MBP: variants seen among roughly 807,000 people sequenced by gnomAD.
MBP encodes myelin basic protein, also known as Golli-MBP.
A neutral mutation model predicts 35.8 loss-of-function variants in MBP; 16 were observed. The ratio of observed to expected loss-of-function variants is 0.45; its 90% CI spans 0.30 to 0.68. The LOEUF (loss-of-function observed/expected upper bound fraction) is 0.68. Ranked by LOEUF, MBP falls within the 30% of genes least tolerant of loss-of-function variation. The probability of loss-of-function intolerance (pLI) is 0.08; values close to 1 mark genes in which losing one functional copy is unlikely to be tolerated. For synonymous variants in MBP, 143 were observed against 159.6 expected (o/e 0.90, Z 0.78); for missense variants, 380 against 404.7 (o/e 0.94, Z 0.52).
chr18:77,054,798 A>G (rs1380157226), intron 3 of MBP, among the ~76,000 whole-genome samples: 1 of 151,968 alleles, frequency 6.6e-6, no homozygotes, highest in Non-Finnish European at 1.5e-5. Flanking sequence ...GGGTGACGTC[A>G]CCATGCACAC....
intron 3 of MBP, among the ~76,000 whole-genome samples, chr18:77,018,339 TCTATCCATCCATCCATACACATACCCAC>T (rs1971765774): frequency 6.8e-6 from 1 of 146,008 alleles, no homozygotes; most frequent in Non-Finnish European, 1.5e-5. Flanking sequence ...CATCCATCCA[TCTATCCATCCATCCATACACATACCCAC>T]CTACCCATCC....
At chr18:77,021,152 C>T (rs575367656) in intron 3 of MBP, among the ~76,000 whole-genome samples, 3 of 152,262 alleles carry the variant, frequency 2.0e-5, no homozygotes, top group South Asian at 2.1e-4. Context: ...AGCAGCCTCT[C>T]GGGTGGAAGA....
chr18:77,049,472 T>C (rs1385940357), intron 3 of MBP, among the ~76,000 whole-genome samples: 1 of 152,208 alleles, frequency 6.6e-6, no homozygotes, highest in Non-Finnish European at 1.5e-5. Context: ...CTGAGGTAGC[T>C]GAAATGGGAC....
At chr18:77,129,200 A>T (rs1267817961) in intron 1 of MBP, among the ~76,000 whole-genome samples, 2 of 152,136 alleles carry the variant, frequency 1.3e-5, no homozygotes, top group African/African-American at 4.8e-5. Context: ...TTAGATATCC[A>T]CCTATTTTTC....
At chr18:77,035,429 TTC>T (rs1324014746) in intron 3 of MBP, among the ~76,000 whole-genome samples, 1 of 152,260 alleles carries the variant, frequency 6.6e-6, no homozygotes, top group African/African-American at 2.4e-5. Flanking sequence ...TATCCTGTTT[TTC>T]TCTTTCTCAG....
chr18:76,994,005 T>A (rs1042863506), intron 4 of MBP, among the ~76,000 whole-genome samples: 3 of 152,264 alleles, frequency 2.0e-5, no homozygotes, highest in African/African-American at 7.2e-5. Context: ...TCATGTAATA[T>A]TTTATCGAAT....
At chr18:77,093,971 T>C (rs1975648232) in intron 2 of MBP, among the ~76,000 whole-genome samples, 1 of 136,916 alleles carries the variant, frequency 7.3e-6, no homozygotes, top group South Asian at 2.6e-4. Context: ...TTAAAGGGTC[T>C]TTTTTTCTTC....
intron 3 of MBP, among the ~76,000 whole-genome samples, chr18:77,052,121 C>G (rs1973512845): frequency 6.6e-6 from 1 of 152,140 alleles, no homozygotes; most frequent in African/African-American, 2.4e-5. Context: ...GAGTCTTCCT[C>G]CGATGTGCCC....
At chr18:77,055,696 G>A (rs1167066258) in intron 3 of MBP, among the ~76,000 whole-genome samples, 1 of 151,950 alleles carries the variant, frequency 6.6e-6, no homozygotes, top group Non-Finnish European at 1.5e-5. Context: ...CTTTAAATAA[G>A]GTGGTGTTTG....
intron 3 of MBP, among the ~76,000 whole-genome samples, chr18:77,048,447 C>A (rs1973344263): frequency 1.3e-5 from 2 of 152,210 alleles, no homozygotes; most frequent in Non-Finnish European, 2.9e-5. Flanking sequence ...GCGTCCCTAA[C>A]AATCTCTGCA....
At position 77,020,748 on chromosome 18, in the gene MBP, C is replaced by G. The variant is rs563880181; in HGVS notation, c.140-3480G>C. ...AGACCATGTGGTGCTCACAGCTGTTCCGGCACAGCGAACCACCCTCCCGGT... is the reference window on the plus strand; with the variant it reads ...AGACCATGTGGTGCTCACAGCTGTTGCGGCACAGCGAACCACCCTCCCGGT... On this transcript the variant is annotated intron_variant, in intron 3 of 8. Transcript: ENST00000355994. The surrounding 1 kb of genome is among the most constrained non-coding windows in gnomAD (Gnocchi z 4.1). Among the ~76,000 whole-genome samples the G allele has an allele frequency of 1.3e-4, 20 of 152,332 alleles. No homozygotes were observed. The highest frequency in any genetic ancestry group is 3.9e-4 in the Admixed American group (6 of 15,306).
chr18:77,083,875 G>A (rs1330600296), intron 2 of MBP, among the ~76,000 whole-genome samples: 3 of 152,148 alleles, frequency 2.0e-5, no homozygotes, highest in Admixed American at 6.5e-5. Context: ...AGAAGGCACA[G>A]GTTTCTTTTG....
At chr18:77,040,356 C>T (rs544420761) in intron 3 of MBP, among the ~76,000 whole-genome samples, 13 of 152,280 alleles carry the variant, frequency 8.5e-5, no homozygotes, top group African/African-American at 2.9e-4. Context: ...CCATACTGCT[C>T]AAGGTAATTT....
At chr18:76,997,559 A>C (rs1970342157) in intron 4 of MBP, among the ~76,000 whole-genome samples, 1 of 152,194 alleles carries the variant, frequency 6.6e-6, no homozygotes, top group South Asian at 2.1e-4. Flanking sequence ...GTTTTGGTTT[A>C]TGTTCCTAAA....
At chr18:77,055,490 TCA>T (rs1973682609) in intron 3 of MBP, among the ~76,000 whole-genome samples, 2 of 152,156 alleles carry the variant, frequency 1.3e-5, no homozygotes, top group South Asian at 4.2e-4. Context: ...TAAAATGGGC[TCA>T]GTTTTCTTTT....
intron 1 of MBP, among the ~76,000 whole-genome samples, chr18:77,129,927 T>C (rs1298380563): frequency 6.6e-6 from 1 of 151,560 alleles, no homozygotes; most frequent in Non-Finnish European, 1.5e-5. Flanking sequence ...TGCGCCCCTA[T>C]AGTCCCAGCT....
chr18:76,991,714 G>T (rs1238345077), intron 4 of MBP, among the ~76,000 whole-genome samples: 1 of 152,210 alleles, frequency 6.6e-6, no homozygotes, highest in Non-Finnish European at 1.5e-5. Flanking sequence ...CTGGAGGTCA[G>T]AGGAGCTCTG....
intron 3 of MBP, among the ~76,000 whole-genome samples, chr18:77,036,725 T>A (rs556096703): frequency 5.0e-4 from 68 of 135,870 alleles, no homozygotes; most frequent in African/African-American, 1.8e-3. Flanking sequence ...AGGACTGAGC[T>A]GAGCAAGTGC....
At chr18:77,064,430 G>T (rs1003061049) in intron 3 of MBP, among the ~76,000 whole-genome samples, 4 of 152,170 alleles carry the variant, frequency 2.6e-5, no homozygotes, top group African/African-American at 9.7e-5. Context: ...GCATAATAAA[G>T]TATGCAGAAA....
Sources: allele counts gnomAD v4.1 joint callset (sites outside exome capture counted in the v4.1 genomes callset), GRCh38; gene constraint gnomAD v4.1.1; non-coding constraint Gnocchi (gnomAD v3.1); transcripts MANE v1.5; gene names NCBI Gene and HGNC (gene_info 2026-07-23, HGNC 2026-07-21).